The following MACROD2 variants were observed in gnomAD, a reference collection of about 807,000 sequenced individuals.
MACROD2 encodes the protein ADP-ribose glycohydrolase MACROD2.
In MACROD2, 36 loss-of-function variants were observed where a neutral mutation model predicts 70.4. The observed-to-expected ratio is 0.51, with a 90% CI of 0.39 to 0.68. MACROD2 has a LOEUF of 0.68. MACROD2 is among the 30% of genes least tolerant of loss of function. The probability of loss-of-function intolerance (pLI) is 0.00; values close to 1 mark genes in which losing one functional copy is unlikely to be tolerated. For missense variants in MACROD2, 496 were observed against 538.4 expected (o/e 0.92, Z 0.78); for synonymous variants, 172 against 178.8 (o/e 0.96, Z 0.30).
At chr20:14,830,095 C>T (rs993108345) in intron 5 of MACROD2, among the ~76,000 whole-genome samples, 8 of 152,050 alleles carry the variant, frequency 5.3e-5, no homozygotes, top group African/African-American at 1.4e-4. Flanking sequence ...AATATTACTA[C>T]TTAAGATGCA....
chr20:15,073,756 A>G (rs1411738697), intron 5 of MACROD2, among the ~76,000 whole-genome samples: 1 of 152,206 alleles, frequency 6.6e-6, no homozygotes, highest in African/African-American at 2.4e-5. Context: ...TTGCAAAGGA[A>G]ACAGTATTTT....
At chr20:15,622,697 C>G (rs2049145470) in intron 8 of MACROD2, among the ~76,000 whole-genome samples, 1 of 152,136 alleles carries the variant, frequency 6.6e-6, no homozygotes, top group African/African-American at 2.4e-5. Context: ...CGTCATCCAC[C>G]TCACTTCATC....
chr20:14,328,549 G>A (rs940739363), intron 3 of MACROD2, among the ~76,000 whole-genome samples: 5 of 152,020 alleles, frequency 3.3e-5, no homozygotes, highest in Non-Finnish European at 2.9e-5. Flanking sequence ...GTAATTTTAG[G>A]CATGAAAATA....
At chr20:14,132,616 T>C (rs2054732399) in intron 3 of MACROD2, among the ~76,000 whole-genome samples, 1 of 152,176 alleles carries the variant, frequency 6.6e-6, no homozygotes, top group African/African-American at 2.4e-5. Context: ...TATTTTACTT[T>C]CATAGTTAGA....
intron 10 of MACROD2, among the ~76,000 whole-genome samples, chr20:15,916,328 C>T (rs1057446511): frequency 2.6e-5 from 4 of 152,084 alleles, no homozygotes; most frequent in African/African-American, 7.2e-5. Context: ...GAGCAAGGCA[C>T]GGGGGAGAGG....
intron 6 of MACROD2, among the ~76,000 whole-genome samples, chr20:15,244,754 T>A (rs1468173425): frequency 6.6e-6 from 1 of 152,258 alleles, no homozygotes; most frequent in Non-Finnish European, 1.5e-5. Flanking sequence ...AACATTTTTT[T>A]AAATTATGGG....
intron 6 of MACROD2, among the ~76,000 whole-genome samples, chr20:15,264,645 G>A (rs1178233299): frequency 1.3e-5 from 2 of 152,110 alleles, no homozygotes; most frequent in Admixed American, 1.3e-4. Flanking sequence ...GGATAGTCTC[G>A]CAGGTTGCAG....
chr20:15,175,685 A>C (rs1348413712), intron 5 of MACROD2, among the ~76,000 whole-genome samples: 1 of 152,238 alleles, frequency 6.6e-6, no homozygotes, highest in East Asian at 1.9e-4. Context: ...GCAAAGAGAC[A>C]TTACAATAAT....
chr20:15,916,187 A>T (rs1331437799), intron 10 of MACROD2, among the ~76,000 whole-genome samples: 3 of 152,026 alleles, frequency 2.0e-5, no homozygotes, highest in Non-Finnish European at 4.4e-5. Flanking sequence ...CTTCCCACAC[A>T]CACCCTACTT....
intron 8 of MACROD2, among the ~76,000 whole-genome samples, chr20:15,649,816 T>G (rs1210967145): frequency 6.6e-6 from 1 of 152,190 alleles, no homozygotes; most frequent in Admixed American, 6.5e-5. Context: ...CATTTAAGAC[T>G]GTGTGTTTCT....
At chr20:14,907,648 G>T (rs1241070630) in intron 5 of MACROD2, among the ~76,000 whole-genome samples, 2 of 152,100 alleles carry the variant, frequency 1.3e-5, no homozygotes, top group East Asian at 3.9e-4. Context: ...AATAGAAAGC[G>T]CAAAGACAAA....
chr20:15,025,149 A>G (rs2075220364), intron 5 of MACROD2, among the ~76,000 whole-genome samples: 1 of 152,042 alleles, frequency 6.6e-6, no homozygotes. Context: ...TGGGGGTATT[A>G]TTTTCACAAT....
intron 4 of MACROD2, among the ~76,000 whole-genome samples, chr20:14,672,166 C>T (rs1436566993): frequency 6.6e-6 from 1 of 152,156 alleles, no homozygotes; most frequent in Non-Finnish European, 1.5e-5. Flanking sequence ...CACTGTAAAG[C>T]TGGACAGTTC....
chr20:14,956,632 G>T (rs776919431), intron 5 of MACROD2, among the ~76,000 whole-genome samples: 20 of 152,116 alleles, frequency 1.3e-4, no homozygotes, highest in Non-Finnish European at 2.9e-4. Flanking sequence ...TGTGACTGAG[G>T]ACATAACCAT....
At chr20:15,101,397 C>A (rs2075871302) in intron 5 of MACROD2, among the ~76,000 whole-genome samples, 1 of 151,726 alleles carries the variant, frequency 6.6e-6, no homozygotes. Flanking sequence ...TTATTTGAAT[C>A]CATGAAAGTT....
chr20:14,588,642 G>C (rs892303044), intron 4 of MACROD2, among the ~76,000 whole-genome samples: 35 of 152,120 alleles, frequency 2.3e-4, no homozygotes, highest in African/African-American at 8.2e-4. Flanking sequence ...CGAGTAGCTG[G>C]GATTACAGAT....
chr20:14,800,611 C>T (rs2072563318), intron 5 of MACROD2, among the ~76,000 whole-genome samples: 1 of 152,030 alleles, frequency 6.6e-6, no homozygotes, highest in Non-Finnish European at 1.5e-5. Context: ...GAAATTTTTT[C>T]CGGAAATTCC....
chr20:14,469,901 A>C (rs1316008995), intron 3 of MACROD2, among the ~76,000 whole-genome samples: 1 of 151,520 alleles, frequency 6.6e-6, no homozygotes, highest in Non-Finnish European at 1.5e-5. Context: ...GGAGTTTGTT[A>C]TTTCTCACCC....
intron 8 of MACROD2, among the ~76,000 whole-genome samples, chr20:15,714,047 A>G (rs1250143259): frequency 1.3e-5 from 2 of 150,618 alleles, no homozygotes; most frequent in Admixed American, 6.6e-5. Context: ...TAAATGATGG[A>G]AAAAGAGGCA....
Sources: gnomAD v4.1 joint callset for allele counts (sites outside exome capture counted in the v4.1 genomes callset) on GRCh38, gnomAD v4.1.1 for gene constraint, MANE v1.5 for transcripts, NCBI Gene and HGNC (gene_info 2026-07-23, HGNC 2026-07-21) for gene names.